The following CCND1 variants were observed in gnomAD, a reference collection of about 807,000 sequenced individuals.
The protein encoded by CCND1 is cyclin D1.
In CCND1, 9 loss-of-function variants were observed where a neutral mutation model predicts 26.1. That is an observed-to-expected ratio of 0.35 (90% CI 0.21 to 0.60). The LOEUF (loss-of-function observed/expected upper bound fraction) is 0.60. Ranked by LOEUF, CCND1 falls within the 20% of genes least tolerant of loss-of-function variation. The pLI is 0.79. For synonymous variants in CCND1, 194 were observed against 166.1 expected (o/e 1.17, Z -1.29); for missense variants, 335 against 392.9 (o/e 0.85, Z 1.25).
Position 69,651,106 on chromosome 11 carries a change from T to G in CCND1, c.724-12T>G, listed in dbSNP as rs367882484. 36 of 1,598,310 alleles carry G rather than the reference T, an allele frequency of 2.3e-5. No homozygotes were observed. The African/African-American group carries it at 4.3e-4, about 19-fold the overall frequency. On this transcript the variant is annotated splice_polypyrimidine_tract_variant and intron_variant, in intron 4 of 4. Transcript: ENST00000227507. Reference sequence around the variant, plus strand: ...CCCCTCTTCCCACCTCTCCCCACCCTCTCTCTCTCAGGACTGCCTCCGGGC... The same window carrying G: ...CCCCTCTTCCCACCTCTCCCCACCCGCTCTCTCTCAGGACTGCCTCCGGGC...
In CCND1 at chr11:69,643,004, G is replaced by T. The variant is rs750540049; in HGVS notation, c.199-27G>T. On this transcript the variant is annotated intron_variant, in intron 1 of 4. Coordinates refer to ENST00000227507, the MANE Select transcript of CCND1 (RefSeq NM_053056.3). ...GGGGGGGCGGCGCGACCTGGCGGCG[G>T]CGGTCACGGGCCCCGTGCCTCCGTA... is the stretch of plus-strand genomic sequence containing the variant. The T allele has an allele frequency of 2.7e-6, 4 of 1,498,114 alleles. No individual in the cohort carries two copies. The African/African-American group carries it at 4.3e-5, about 16-fold the overall frequency. The allele number at this position is 1,498,114 out of a possible 1,614,324, so 92.8% of individuals were successfully genotyped here.
intron 4 of CCND1, among the ~76,000 whole-genome samples, chr11:69,650,548 C>T (rs962687286): frequency 1.3e-5 from 2 of 152,144 alleles, no homozygotes; most frequent in African/African-American, 4.8e-5. Context: ...TGGCTGGCCC[C>T]GGGGCACAGG....
chr11:69,646,931 G>A (rs1026400543), intron 3 of CCND1, among the ~76,000 whole-genome samples: 1 of 152,204 alleles, frequency 6.6e-6, no homozygotes, highest in Admixed American at 6.5e-5. Context: ...TGACCAGAGG[G>A]AGTTTTGTGC....
In CCND1 at chr11:69,653,280, T is replaced by C. The variant is rs1855878856; in HGVS notation, c.*1998T>C. On this transcript the variant is annotated 3_prime_UTR_variant, in exon 5 of 5. Transcript: ENST00000227507. Reference sequence around the variant, plus strand: ...GACTTCCAGGCACGGTTTGGAAATATTCACATCGCTTCTGTGTATCTCTTT... The same window carrying C: ...GACTTCCAGGCACGGTTTGGAAATACTCACATCGCTTCTGTGTATCTCTTT... 1.4e-6 allele frequency: 1 copy of C among 702,080 alleles called. No homozygotes were observed. The allele number at this position is 702,080 out of a possible 1,614,324, so 43.5% of individuals were successfully genotyped here. A position where few individuals can be genotyped will look rare whatever the true frequency, so the allele number is the denominator to read the frequency against.
rs1019120785 is a variant in CCND1, at chr11:69,654,176, G to A, written c.*2894G>A. The A allele has an allele frequency of 8.6e-6, 6 of 701,486 alleles. No homozygotes were observed. Among genetic ancestry groups the A allele is most frequent in the Admixed American group, 2.0e-5 (1 of 49,972 alleles). The allele number at this position is 701,486 out of a possible 1,614,324, so 43.5% of individuals were successfully genotyped here. A position where few individuals can be genotyped will look rare whatever the true frequency, so the allele number is the denominator to read the frequency against. On this transcript the variant is annotated 3_prime_UTR_variant, in exon 5 of 5. Transcript: ENST00000227507. This position sits in a 1 kb window ranked among gnomAD's most constrained non-coding sequence, Gnocchi z 6.3. ...CGCTTACCTCAACCATCCTGGCTGC[G>A]GCGTCTGTCTGAACCACGCGGGGGC... is the stretch of plus-strand genomic sequence containing the variant.
At chr11:69,642,971 G>A (rs1301474559) in intron 1 of CCND1, 60 bp from the exon 2 acceptor site, 4 of 1,312,842 alleles carry the variant, frequency 3.0e-6, no homozygotes, top group Non-Finnish European at 3.1e-6. Flanking sequence ...GGGGGTGCGG[G>A]GGCGTGCGGG....
intron 4 of CCND1, among the ~76,000 whole-genome samples, chr11:69,650,177 G>A (rs1590916216): frequency 6.6e-6 from 1 of 152,232 alleles, no homozygotes; most frequent in East Asian, 1.9e-4. Flanking sequence ...TGGAAGGTCT[G>A]TTTCCTGGGC....
At chr11:69,642,233 G>A (rs2120084676) in intron 1 of CCND1, among the ~76,000 whole-genome samples, 1 of 152,318 alleles carries the variant, frequency 6.6e-6, no homozygotes, top group African/African-American at 2.4e-5. Context: ...AGGTCGCGTG[G>A]CCCCCAAGAC....
rs767837248 is a variant in CCND1 at position 69,648,040 on chromosome 11, C to T, written c.621C>T (p.Ser207=). The T allele has an allele frequency of 1.1e-5, 17 of 1,613,828 alleles. No homozygotes were observed. The highest frequency in any genetic ancestry group is 3.3e-5 in the Admixed American group (2 of 60,014). The change falls in exon 4 of 5, where the codon AGC becomes AGT. Residue 207 remains serine (S), a synonymous_variant. Coordinates refer to ENST00000227507, the MANE Select transcript of CCND1 (RefSeq NM_053056.3). The part of the protein sequence containing the change: ...SNPPSMVAAG[S]VVAAVQGLNL... ...CGCCCTCCATGGTGGCAGCGGGGAG[C>T]GTGGTGGCCGCAGTGCAAGGCCTGA...
chr11:69,645,260 G>A (rs1215058609), intron 3 of CCND1, among the ~76,000 whole-genome samples: 1 of 152,204 alleles, frequency 6.6e-6, no homozygotes, highest in Non-Finnish European at 1.5e-5. Flanking sequence ...ACTCCAGACA[G>A]CCTTTTATGG....
intron 4 of CCND1, among the ~76,000 whole-genome samples, chr11:69,649,265 A>C (rs909457575): frequency 1.3e-5 from 2 of 152,004 alleles, no homozygotes; most frequent in Admixed American, 1.3e-4. Flanking sequence ...TTCATTTCGA[A>C]CTCCACGCCC....
At position 69,651,127 on chromosome 11, in the gene CCND1, C is replaced by T. The variant is rs913470506; in HGVS notation, c.733C>T (p.Arg245Trp). ...RVIKCDPDCL[R>W]ACQEQIEALL... The stretch of plus-strand genomic sequence containing the variant: ...ACCCTCTCTCTCTCAGGACTGCCTC[C>T]GGGCCTGCCAGGAGCAGATCGAAGC... Residue 245 changes from arginine (R) to tryptophan (W), a missense_variant, in exon 5 of 5, where the codon CGG (arginine) becomes TGG (tryptophan). Coordinates refer to ENST00000227507, the MANE Select transcript of CCND1 (RefSeq NM_053056.3). The T allele has an allele frequency of 1.2e-6, 2 of 1,612,634 alleles. No homozygotes were observed. The highest frequency in any genetic ancestry group is 1.3e-5 in the African/African-American group (1 of 74,840).
intron 3 of CCND1, among the ~76,000 whole-genome samples, chr11:69,645,767 A>G (rs964978531): frequency 1.3e-5 from 2 of 152,128 alleles, no homozygotes; most frequent in African/African-American, 4.8e-5. Flanking sequence ...TTTGCCCTCC[A>G]CGTGGCAAAG....
At chr11:69,647,892 C>T (rs1855804398) in intron 3 of CCND1, 102 bp from the exon 4 acceptor site, 8 of 1,382,182 alleles carry the variant, frequency 5.8e-6, no homozygotes, top group South Asian at 2.6e-5. Context: ...CCCTTCAGGC[C>T]GGGCCGCTTG....
At position 69,653,459 on chromosome 11, in the gene CCND1, A is replaced by G. The variant is rs1276337937; in HGVS notation, c.*2177A>G. The G allele has an allele frequency of 1.4e-5, 8 of 590,830 alleles. No individual in the cohort carries two copies. The highest frequency in any genetic ancestry group is 3.3e-4 in the Middle Eastern group (1 of 2,986). 36.6% of individuals were successfully genotyped at this position (590,830 alleles called of 1,614,324 possible). A position where few individuals can be genotyped will look rare whatever the true frequency, so the allele number is the denominator to read the frequency against. ...ATGTGATCAATTTTGACTTAATGTG[A>G]TTACTGCTCTATTCCAAAAAGGTTG... On this transcript the variant is annotated 3_prime_UTR_variant, in exon 5 of 5. Coordinates refer to ENST00000227507, the MANE Select transcript of CCND1 (RefSeq NM_053056.3).
rs1653968097 is a variant in CCND1, at chr11:69,651,674, AG to A, written c.*394del. On this transcript the variant is annotated 3_prime_UTR_variant, in exon 5 of 5. Transcript: ENST00000227507. Reference sequence around the variant, plus strand: ...AAAGGAGGCGTCTCGGGAGAGGATTAGGTTCCATCCTTTACGTGTTTAAAAA... The same window carrying A: ...AAAGGAGGCGTCTCGGGAGAGGATTAGTTCCATCCTTTACGTGTTTAAAAA... The A allele has an allele frequency of 4.1e-6, 1 of 244,476 alleles. No individual in the cohort carries two copies. The highest frequency in any genetic ancestry group is 1.8e-4 in the South Asian group (1 of 5,634). The allele number at this position is 244,476 out of a possible 1,614,324, so 15.1% of individuals were successfully genotyped here.
chr11:69,643,934 G>A lies in CCND1; in HGVS notation c.517G>A (p.Glu173Lys), dbSNP rs1855746418. 2 of 1,613,550 alleles carry A rather than the reference G, an allele frequency of 1.2e-6. No individual in the cohort carries two copies. Among genetic ancestry groups the A allele is most frequent in the South Asian group, 2.2e-5 (2 of 91,080 alleles). ...HFLSKMPEAE[E>K]NKQIIRKHAQ... is the part of the protein sequence containing the mutation. Reference sequence around the variant, plus strand: ...CCTCTCCAAAATGCCAGAGGCGGAGGAGAACAAACAGATCATCCGCAAACA... The same window carrying A: ...CCTCTCCAAAATGCCAGAGGCGGAGAAGAACAAACAGATCATCCGCAAACA... Residue 173 changes from glutamate to lysine, a missense_variant, in exon 3 of 5, where the codon GAG becomes AAG. By Grantham distance (56) the Glu-to-Lys change is moderately conservative. Coordinates refer to ENST00000227507, the MANE Select transcript of CCND1 (RefSeq NM_053056.3).
intron 3 of CCND1, among the ~76,000 whole-genome samples, chr11:69,644,485 G>A (rs1855754233): frequency 1.3e-5 from 2 of 152,190 alleles, no homozygotes; most frequent in African/African-American, 4.8e-5. Flanking sequence ...CGTGCTCTGG[G>A]CAGCCGAGTG....
chr11:69,648,176 G>A (rs537247673), intron 4 of CCND1, 34 bp downstream of exon 4: 20 of 1,610,488 alleles, frequency 1.2e-5, no homozygotes, highest in Admixed American at 5.0e-5. Context: ...CAGCCTTGCC[G>A]GGGCTTACAG....
Sources: allele counts gnomAD v4.1 joint callset (sites outside exome capture counted in the v4.1 genomes callset), GRCh38; gene constraint gnomAD v4.1.1; non-coding constraint Gnocchi (gnomAD v3.1); transcripts MANE v1.5; gene names NCBI Gene and HGNC (gene_info 2026-07-23, HGNC 2026-07-21).